Variants in EIF2AK1 observed in about 807,000 individuals in gnomAD.
EIF2AK1 encodes eukaryotic translation initiation factor 2-alpha kinase 1.
In EIF2AK1, 54 loss-of-function variants were observed where a neutral mutation model predicts 77.9. The ratio of observed to expected loss-of-function variants is 0.69; its 90% confidence interval spans 0.56 to 0.87. EIF2AK1 has a LOEUF of 0.87. Ranked by LOEUF, EIF2AK1 falls within the 40% of genes least tolerant of loss-of-function variation. The pLI, the probability that EIF2AK1 is intolerant of heterozygous loss-of-function variation, is 0.00. For synonymous variants in EIF2AK1, 314 were observed against 290.5 expected, an observed-to-expected ratio of 1.08 and a Z score of -0.82; for missense variants, 810 against 768.6, an observed-to-expected ratio of 1.05 and a Z score of -0.64.
intron 11 of EIF2AK1, chr7:6,031,287 C>A: frequency 7.8e-7 from 1 of 1,280,024 alleles, no homozygotes; most frequent in East Asian, 2.5e-5. Flanking sequence ...TAGAACAGTT[C>A]TAGAACTGAA....
intron 3 of EIF2AK1, chr7:6,049,655 C>A: frequency 4.6e-5 from 10 of 216,704 alleles, no homozygotes; most frequent in South Asian, 1.2e-4. Context: ...CAGGCAGGTT[C>A]TCACTCTGCT....
rs539616137 is a variant in EIF2AK1 at position 6,026,659 on chromosome 7, G to T, written c.1764+69C>A. On this transcript the variant is annotated intron_variant, in intron 14 of 14. Coordinates refer to ENST00000199389, the MANE Select transcript of EIF2AK1 (RefSeq NM_014413.4). Reference sequence around the variant, plus strand: ...CAGCCTCCGGGGGCACCACCCAACCGCTTCCTTCCCCAAGAGAGGCAATAA... The same window carrying T: ...CAGCCTCCGGGGGCACCACCCAACCTCTTCCTTCCCCAAGAGAGGCAATAA... The T allele has an allele frequency of 7.4e-5, 97 of 1,308,304 alleles. No individual in the cohort carries two copies. In the African/African-American group the frequency reaches 1.3e-3, roughly 17 times the overall value. The allele number at this position is 1,308,304 out of a possible 1,614,324, so 81.0% of individuals were successfully genotyped here. A position where few individuals can be genotyped will look rare whatever the true frequency, so the allele number is the denominator to read the frequency against.
intron 9 of EIF2AK1, among the ~76,000 whole-genome samples, chr7:6,040,267 G>A (rs1788258572): frequency 6.6e-6 from 1 of 151,982 alleles, no homozygotes; most frequent in African/African-American, 2.4e-5. Context: ...TGGCCAGGCT[G>A]GTCTCGAACT....
intron 14 of EIF2AK1, 175 bp downstream of exon 14, chr7:6,026,553 A>C: frequency 1.4e-6 from 1 of 714,956 alleles, no homozygotes; most frequent in Non-Finnish European, 2.6e-6. Context: ...TCCTGCCAGC[A>C]CACCCTGCAG....
chr7:6,046,233 A>C (rs1160307609), intron 5 of EIF2AK1, 82 bp from the exon 6 acceptor site: 1 of 721,530 alleles, frequency 1.4e-6, no homozygotes, highest in East Asian at 3.1e-5. Flanking sequence ...CTGAGCTTAG[A>C]CAATCCAAAC....
chr7:6,026,151 G>C (rs767445414), intron 14 of EIF2AK1, among the ~76,000 whole-genome samples: 18 of 152,100 alleles, frequency 1.2e-4, no homozygotes, highest in Non-Finnish European at 2.6e-4. Context: ...TACCCGGGGA[G>C]GTACCAGGAT....
chr7:6,047,114 C>T (rs1188390493), intron 4 of EIF2AK1, 23 bp from the exon 5 acceptor site: 1 of 1,592,666 alleles, frequency 6.3e-7, no homozygotes, highest in African/African-American at 1.3e-5. Flanking sequence ...TACAAACAAT[C>T]AATATTAAAA....
intron 13 of EIF2AK1, among the ~76,000 whole-genome samples, chr7:6,028,252 T>C (rs1787806582): frequency 1.4e-5 from 1 of 71,260 alleles, no homozygotes; most frequent in African/African-American, 7.2e-5. Context: ...ATTGTACTGT[T>C]TGTTTTTTTT....
chr7:6,029,694 T>C (rs1465751601), intron 11 of EIF2AK1, among the ~76,000 whole-genome samples: 1 of 151,886 alleles, frequency 6.6e-6, no homozygotes, highest in African/African-American at 2.4e-5. Flanking sequence ...TAGAAATGAC[T>C]GTCCTCGGCC....
At chr7:6,034,568 C>G (rs12672450) in intron 11 of EIF2AK1, among the ~76,000 whole-genome samples, 52,992 of 152,022 alleles carry the variant, frequency 0.35, 10,140 homozygotes, top group Middle Eastern at 0.46. Flanking sequence ...ATTTACTGAG[C>G]TGTTTCACTG....
rs559505366 is a variant in EIF2AK1, at chr7:6,032,929, G to A, written c.1333-3897C>T. ...CCTGTTACGGCACGGTGCTGACCCA[G>A]AAGTCAGGTAAGTTAACTCCACCGA... On this transcript the variant is annotated intron_variant, in intron 11 of 14. Coordinates refer to ENST00000199389, the MANE Select transcript of EIF2AK1 (RefSeq NM_014413.4). The surrounding 1 kb of genome is among the most constrained non-coding windows in gnomAD (Gnocchi z 4.3). 4.5e-6 allele frequency: 7 copies of A among 1,550,156 alleles called. No homozygotes were observed. The South Asian group carries it at 6.0e-5, about 13-fold the overall frequency.
chr7:6,058,241 CT>C, intron 1 of EIF2AK1: 1 of 429,814 alleles, frequency 2.3e-6, no homozygotes, highest in Non-Finnish European at 4.6e-6. Flanking sequence ...AAGACCACAT[CT>C]CTGCAAAAAA....
At position 6,024,017 on chromosome 7, in the gene EIF2AK1, G is replaced by C. The variant is rs765844577; in HGVS notation, c.*656C>G. On this transcript the variant is annotated 3_prime_UTR_variant, in exon 15 of 15. Coordinates refer to ENST00000199389, the MANE Select transcript of EIF2AK1 (RefSeq NM_014413.4). ...AAAGGAGGAAGTACCGGGGAACAGTGCAGGGCAAAGGCAGGAAAGAGATCT... is the reference window on the plus strand; with the variant it reads ...AAAGGAGGAAGTACCGGGGAACAGTCCAGGGCAAAGGCAGGAAAGAGATCT... The C allele has an allele frequency of 9.0e-6, 12 of 1,326,944 alleles. No homozygotes were observed. The African/African-American group carries it at 1.6e-4, about 18-fold the overall frequency. The allele number at this position is 1,326,944 out of a possible 1,614,324, so 82.2% of individuals were successfully genotyped here. A position where few individuals can be genotyped will look rare whatever the true frequency, so the allele number is the denominator to read the frequency against.
At position 6,026,630 on chromosome 7, in the gene EIF2AK1, G is replaced by A. The variant is rs1787754446; in HGVS notation, c.1764+98C>T. ...CCAGAACCATCATCTGGCTCTTCCA[G>A]CCCCAGCCTCCGGGGGCACCACCCA... On this transcript the variant is annotated intron_variant, in intron 14 of 14. Coordinates refer to ENST00000199389, the MANE Select transcript of EIF2AK1 (RefSeq NM_014413.4). 9 of 939,372 alleles carry A rather than the reference G, an allele frequency of 9.6e-6. No individual in the cohort carries two copies. In the East Asian group the frequency reaches 2.3e-4, roughly 24 times the overall value. 58.2% of individuals were successfully genotyped at this position (939,372 alleles called of 1,614,324 possible).
chr7:6,058,997 A>C lies in EIF2AK1; in HGVS notation c.87T>G (p.Phe29Leu), dbSNP rs752151393. The change falls in exon 1 of 15, where the codon TTT becomes TTG. Residue 29 changes from phenylalanine (F) to leucine (L), a missense_variant. By Grantham distance (22) the Phe-to-Leu change is conservative. This residue lies in a region of EIF2AK1 where 246 missense variants were observed against 199.0 expected (regional missense o/e 1.24). Transcript: ENST00000199389. ...ATTCGGGGTCCGGGCCCTCGGCGGGAAAGTCGATGGCCGGCGGCGCAGCCA... is the reference window on the plus strand; with the variant it reads ...ATTCGGGGTCCGGGCCCTCGGCGGGCAAGTCGATGGCCGGCGGCGCAGCCA... ...GAVAAPPAID[F>L]PAEGPDPEYD... The C allele has an allele frequency of 5.2e-6, 8 of 1,541,622 alleles. No homozygotes were observed. In the African/African-American group the frequency reaches 7.1e-5, roughly 14 times the overall value.
At chr7:6,041,999 A>T (rs1273355137) in intron 8 of EIF2AK1, among the ~76,000 whole-genome samples, 1 of 152,114 alleles carries the variant, frequency 6.6e-6, no homozygotes, top group Non-Finnish European at 1.5e-5. Flanking sequence ...AAATACAAAA[A>T]TTAGCCAGAC....
At chr7:6,039,094 A>G (rs927871795) in intron 9 of EIF2AK1, among the ~76,000 whole-genome samples, 1 of 152,310 alleles carries the variant, frequency 6.6e-6, no homozygotes, top group African/African-American at 2.4e-5. Context: ...ATATTTCTAC[A>G]AAGTATATAT....
In EIF2AK1 at chr7:6,049,627, CTT is replaced by C. The variant is rs566250638; in HGVS notation, c.411+283_411+284del. On this transcript the variant is annotated intron_variant, in intron 3 of 14. Coordinates refer to ENST00000199389, the MANE Select transcript of EIF2AK1 (RefSeq NM_014413.4). ...GTGGCCTCTCCTTTGCCTCTCCTCT[CTT>C]TTTTTTTTTTTTTTTCAGGCAGGTT... Among the ~76,000 whole-genome samples the C allele has an allele frequency of 1.2e-3, 153 of 132,578 alleles. 1 individual carries two copies. The highest frequency in any genetic ancestry group is 2.9e-3 in the African/African-American group (102 of 35,752). 87.0% of individuals were successfully genotyped at this position (132,578 alleles called of 152,430 possible). A position where few individuals can be genotyped will look rare whatever the true frequency, so the allele number is the denominator to read the frequency against.
intron 10 of EIF2AK1, among the ~76,000 whole-genome samples, chr7:6,037,751 T>C (rs1788147901): frequency 6.6e-6 from 1 of 151,960 alleles, no homozygotes; most frequent in Non-Finnish European, 1.5e-5. Context: ...TTGATGGACT[T>C]TGTCAACCAG....
Sources: allele counts gnomAD v4.1 joint callset (sites outside exome capture counted in the v4.1 genomes callset), GRCh38; gene constraint gnomAD v4.1.1; regional missense constraint gnomAD v4.1.1; non-coding constraint Gnocchi (gnomAD v3.1); transcripts MANE v1.5; gene names NCBI Gene and HGNC (gene_info 2026-07-23, HGNC 2026-07-21).